RAB11FIP3: variants seen among roughly 807,000 people sequenced by gnomAD.
The protein encoded by RAB11FIP3 is RAB11 family interacting protein 3.
Under a neutral mutation model 77.8 loss-of-function variants are expected in RAB11FIP3, and 17 were observed. The ratio of observed to expected loss-of-function variants is 0.22; its 90% CI spans 0.15 to 0.33. RAB11FIP3 has a LOEUF of 0.33. Ranked by LOEUF, RAB11FIP3 falls within the 10% of genes least tolerant of loss-of-function variation. The pLI is 1.00. For missense variants in RAB11FIP3, 1,005 were observed against 1,011.2 expected (o/e 0.99, Z 0.08); for synonymous variants, 437 against 448.2 (o/e 0.98, Z 0.31).
chr16:476,811 C>T (rs1480201600), intron 3 of RAB11FIP3, among the ~76,000 whole-genome samples: 3 of 148,574 alleles, frequency 2.0e-5, no homozygotes, highest in Non-Finnish European at 4.5e-5. Flanking sequence ...AAATTTTAGG[C>T]TGGGCATGGT....
At chr16:429,758 A>C (rs1458639131) in intron 1 of RAB11FIP3, among the ~76,000 whole-genome samples, 1 of 152,134 alleles carries the variant, frequency 6.6e-6, no homozygotes, top group Non-Finnish European at 1.5e-5. Context: ...TCGGCCTCCC[A>C]AAGTGCTGGG....
intron 1 of RAB11FIP3, among the ~76,000 whole-genome samples, chr16:439,685 G>C (rs1296869215): frequency 6.6e-6 from 1 of 152,110 alleles, no homozygotes; most frequent in East Asian, 1.9e-4. Context: ...CTGGGGCACA[G>C]CTTGGTTTTA....
At chr16:491,171 A>C (rs7194349) in intron 5 of RAB11FIP3, 5 of 1,303,960 alleles carry the variant, frequency 3.8e-6, no homozygotes, top group African/African-American at 1.5e-5. Context: ...CAGCATCCTC[A>C]CTGATGAGGC....
At chr16:449,642 ATC>A (rs1332800865) in intron 1 of RAB11FIP3, among the ~76,000 whole-genome samples, 1 of 122,742 alleles carries the variant, frequency 8.1e-6, no homozygotes, top group Admixed American at 8.4e-5. Context: ...GGGAGACCCT[ATC>A]TCAAAAAAAA....
intron 1 of RAB11FIP3, among the ~76,000 whole-genome samples, chr16:458,160 G>A (rs1734999679): frequency 6.6e-6 from 1 of 152,258 alleles, no homozygotes; most frequent in South Asian, 2.1e-4. Context: ...TTGGCTGACA[G>A]TGGCGAGAGG....
intron 5 of RAB11FIP3, among the ~76,000 whole-genome samples, chr16:492,679 G>C (rs762800815): frequency 6.6e-6 from 1 of 152,186 alleles, no homozygotes; most frequent in Admixed American, 6.5e-5. Context: ...TTCTTCCCAC[G>C]CAGAGACTTG....
At chr16:445,113 CAAA>C (rs56706849) in intron 1 of RAB11FIP3, among the ~76,000 whole-genome samples, 6 of 70,804 alleles carry the variant, frequency 8.5e-5, no homozygotes, top group Non-Finnish European at 4.9e-5. Context: ...GACTCTGTCT[CAAA>C]AAAAAAAAAA....
intron 3 of RAB11FIP3, among the ~76,000 whole-genome samples, chr16:478,013 C>T (rs554329265): frequency 7.2e-5 from 11 of 152,146 alleles, no homozygotes; most frequent in African/African-American, 2.2e-4. Context: ...TTGAGTCACA[C>T]GTCTGAGGTC....
At chr16:447,547 C>T (rs2055337626) in intron 1 of RAB11FIP3, among the ~76,000 whole-genome samples, 1 of 152,056 alleles carries the variant, frequency 6.6e-6, no homozygotes, top group Non-Finnish European at 1.5e-5. Context: ...ACCATCCTGG[C>T]TAACACGGTG....
At chr16:440,094 C>T (rs970492717) in intron 1 of RAB11FIP3, among the ~76,000 whole-genome samples, 13 of 152,008 alleles carry the variant, frequency 8.6e-5, no homozygotes, top group Admixed American at 5.2e-4. Flanking sequence ...CCCCCCCCAT[C>T]GGCCTCCCAA....
Position 471,449 on chromosome 16 carries a change from C to G in RAB11FIP3, c.903+60C>G. On this transcript the variant is annotated intron_variant, in intron 3 of 13. Coordinates refer to ENST00000262305, the MANE Select transcript of RAB11FIP3 (RefSeq NM_014700.4). The surrounding 1 kb of genome is among the most constrained non-coding windows in gnomAD (Gnocchi z 4.4). ...CTGGCATCCACCTCTTCCTTTATGC[C>G]CTACAGCTCGTGCCTCCTGCCTCCG... The G allele has an allele frequency of 7.2e-7, 1 of 1,381,192 alleles. No homozygotes were observed. Among genetic ancestry groups the G allele is most frequent in the East Asian group, 2.5e-5 (1 of 40,580 alleles). The allele number at this position is 1,381,192 out of a possible 1,614,324, so 85.6% of individuals were successfully genotyped here.
At position 437,644 on chromosome 16, in the gene RAB11FIP3, T is replaced by C. The variant is rs889559941; in HGVS notation, c.714+10924T>C. On this transcript the variant is annotated intron_variant, in intron 1 of 13. Transcript: ENST00000262305. The stretch of plus-strand genomic sequence containing the variant: ...CCAAAGAAGTGATAAATGTTGAAGA[T>C]GAGAGACGTGCCAAGTACACTGAAC... Among the ~76,000 whole-genome samples the C allele has an allele frequency of 4.7e-5, 7 of 149,998 alleles. No individual in the cohort carries two copies. In the East Asian group the frequency reaches 1.4e-3, roughly 29 times the overall value.
At chr16:477,303 A>G (rs2055935454) in intron 3 of RAB11FIP3, among the ~76,000 whole-genome samples, 1 of 152,138 alleles carries the variant, frequency 6.6e-6, no homozygotes, top group African/African-American at 2.4e-5. Flanking sequence ...ACTGAACCTG[A>G]TGTTGTAATA....
chr16:462,793 T>C (rs1283422782), intron 2 of RAB11FIP3, among the ~76,000 whole-genome samples: 1 of 141,568 alleles, frequency 7.1e-6, no homozygotes, highest in Non-Finnish European at 1.5e-5. Context: ...CCCAGCACCA[T>C]CCCTTCCCCA....
chr16:488,006 G>C (rs926755614), intron 4 of RAB11FIP3, among the ~76,000 whole-genome samples: 4 of 151,670 alleles, frequency 2.6e-5, no homozygotes, highest in African/African-American at 9.8e-5. Context: ...CTTGTGACGT[G>C]GGAGGGCACA....
At chr16:475,075 G>A (rs1479077733) in intron 3 of RAB11FIP3, 2 of 1,551,542 alleles carry the variant, frequency 1.3e-6, no homozygotes, top group South Asian at 2.4e-5. Flanking sequence ...CAGCCTGTGA[G>A]GCCACCCGGG....
In RAB11FIP3 at chr16:461,330, C is replaced by A; in HGVS notation, c.715-74C>A. 8.3e-7 allele frequency: 1 copy of A among 1,202,920 alleles called. No individual in the cohort carries two copies. Among genetic ancestry groups the A allele is most frequent in the South Asian group, 1.3e-5 (1 of 74,632 alleles). 74.5% of individuals were successfully genotyped at this position (1,202,920 alleles called of 1,614,324 possible). A position where few individuals can be genotyped will look rare whatever the true frequency, so the allele number is the denominator to read the frequency against. ...CAGCAGGCCACACACCAGATCTCTCCCAGTCCGAGGTCCAGGGTTGGGGAC... is the reference window on the plus strand; with the variant it reads ...CAGCAGGCCACACACCAGATCTCTCACAGTCCGAGGTCCAGGGTTGGGGAC... On this transcript the variant is annotated intron_variant, in intron 1 of 13. Transcript: ENST00000262305. The surrounding 1 kb of genome is among the most constrained non-coding windows in gnomAD (Gnocchi z 4.5).
chr16:446,004 A>AG (rs955530236), intron 1 of RAB11FIP3, among the ~76,000 whole-genome samples: 26 of 152,086 alleles, frequency 1.7e-4, no homozygotes, highest in African/African-American at 4.8e-4. Flanking sequence ...CACAGAGACG[A>AG]GGGTGCATCA....
At chr16:464,012 T>A (rs1305671048) in intron 2 of RAB11FIP3, among the ~76,000 whole-genome samples, 1 of 152,156 alleles carries the variant, frequency 6.6e-6, no homozygotes, top group Non-Finnish European at 1.5e-5. Flanking sequence ...AAAGACCATC[T>A]GGCCCAGGTG....
Sources: gnomAD v4.1 joint callset for allele counts (sites outside exome capture counted in the v4.1 genomes callset) on GRCh38, gnomAD v4.1.1 for gene constraint, Gnocchi (gnomAD v3.1) non-coding constraint, MANE v1.5 for transcripts, NCBI Gene and HGNC (gene_info 2026-07-23, HGNC 2026-07-21) for gene names.